The following ACTR6 variants were observed in gnomAD, a reference collection of about 807,000 sequenced individuals.
The protein encoded by ACTR6 is actin-related protein 6.
Under a neutral mutation model 52.5 loss-of-function variants are expected in ACTR6, and 50 were observed. The ratio of observed to expected loss-of-function variants is 0.95; its 90% CI spans 0.76 to 1.20. The LOEUF (loss-of-function observed/expected upper bound fraction) is 1.20, where lower values mean the gene tolerates loss of function less well. Among genes scored for constraint, ACTR6 ranks in the 50% most tolerant of loss-of-function variants. The pLI is 0.00. For missense variants in ACTR6, 344 were observed against 472.4 expected (o/e 0.73, Z 2.52); for synonymous variants, 135 against 147.2 (o/e 0.92, Z 0.60).
intron 7 of ACTR6, 43 bp downstream of exon 7, chr12:100,212,397 G>A: frequency 6.3e-7 from 1 of 1,593,176 alleles, no homozygotes; most frequent in African/African-American, 1.3e-5. Flanking sequence ...TAGATTGTTA[G>A]GGGATGTTAC....
At chr12:100,216,425 A>G (rs2096123993) in intron 8 of ACTR6, among the ~76,000 whole-genome samples, 1 of 152,252 alleles carries the variant, frequency 6.6e-6, no homozygotes, top group African/African-American at 2.4e-5. Context: ...TTTGGCCTCC[A>G]AAGTGCTGGG....
intron 4 of ACTR6, chr12:100,208,760 T>G (rs1271751942): frequency 2.2e-6 from 1 of 455,960 alleles, no homozygotes; most frequent in Non-Finnish European, 4.4e-6. Flanking sequence ...TTGTTTGTTT[T>G]TGTTAAGTCA....
chr12:100,220,952 A>T (rs2096127673), intron 10 of ACTR6, among the ~76,000 whole-genome samples: 1 of 151,232 alleles, frequency 6.6e-6, no homozygotes, highest in Non-Finnish European at 1.5e-5. Context: ...GCACCACTGT[A>T]TGGTAGCCTA....
rs183220876 is a variant in ACTR6 at position 100,216,478 on chromosome 12, T to C, written c.751-1937T>C. ...TGTGCCCAGCCTCCAGATTACTTGT[T>C]AATGGTTAATGGCTTTAGTGCTAAC... On this transcript the variant is annotated intron_variant, in intron 8 of 10. Transcript: ENST00000188312. Among the ~76,000 whole-genome samples, 15 of 152,388 alleles carry C rather than the reference T, an allele frequency of 9.8e-5. No homozygotes were observed. The East Asian group carries it at 2.7e-3, about 27-fold the overall frequency.
In ACTR6 at chr12:100,204,824, C is replaced by T. The variant is rs574061738; in HGVS notation, c.69-116C>T. 8 of 665,626 alleles carry T rather than the reference C, an allele frequency of 1.2e-5. No individual in the cohort carries two copies. In the South Asian group the frequency reaches 1.5e-4, roughly 13 times the overall value. 41.2% of individuals were successfully genotyped at this position (665,626 alleles called of 1,614,324 possible). ...TTATTTTAAGACAGAATGAGAAACA[C>T]TGGATATACCAATCTTAGGATACGC... On this transcript the variant is annotated intron_variant, in intron 1 of 10. Coordinates refer to ENST00000188312, the MANE Select transcript of ACTR6 (RefSeq NM_022496.5).
chr12:100,213,547 G>GTATA (rs1592842408), intron 8 of ACTR6, among the ~76,000 whole-genome samples: 1 of 152,188 alleles, frequency 6.6e-6, no homozygotes, highest in Admixed American at 6.5e-5. Flanking sequence ...GTATCATTAT[G>GTATA]TATATTATGG....
chr12:100,217,767 T>C (rs2096124960), intron 8 of ACTR6, among the ~76,000 whole-genome samples: 2 of 152,156 alleles, frequency 1.3e-5, no homozygotes, highest in South Asian at 4.1e-4. Flanking sequence ...TAAAGAAATG[T>C]AGAGATGTAG....
Position 100,207,242 on chromosome 12 carries a change from A to T in ACTR6, c.256-421A>T, listed in dbSNP as rs143966286. ...TTAATTTTTATTTATTATTATTATTATTTTTTTAGTAGAGGTGGGGTCTTG... is the reference window on the plus strand; with the variant it reads ...TTAATTTTTATTTATTATTATTATTTTTTTTTTAGTAGAGGTGGGGTCTTG... On this transcript the variant is annotated intron_variant, in intron 3 of 10. Transcript: ENST00000188312. 5.1e-3 allele frequency among the ~76,000 whole-genome samples: 774 copies of T among 151,332 alleles called. 4 individuals carry two copies. Among genetic ancestry groups the T allele is most frequent in the African/African-American group, 0.014 (587 of 41,216 alleles).
intron 8 of ACTR6, among the ~76,000 whole-genome samples, chr12:100,213,025 A>T (rs1046271191): frequency 4.0e-5 from 6 of 151,666 alleles, no homozygotes; most frequent in African/African-American, 1.5e-4. Context: ...AAAAAAAAAA[A>T]AAAGAATTTC....
At position 100,218,707 on chromosome 12, in the gene ACTR6, G is replaced by C; in HGVS notation, c.922+121G>C. 1.9e-6 allele frequency: 1 copy of C among 534,992 alleles called. No individual in the cohort carries two copies. Among genetic ancestry groups the C allele is most frequent in the Non-Finnish European group, 2.9e-6 (1 of 342,386 alleles). 33.1% of individuals were successfully genotyped at this position (534,992 alleles called of 1,614,324 possible). On this transcript the variant is annotated intron_variant, in intron 9 of 10. Coordinates refer to ENST00000188312, the MANE Select transcript of ACTR6 (RefSeq NM_022496.5). This position sits in a 1 kb window ranked among gnomAD's most constrained non-coding sequence, Gnocchi z 4.2. ...TTGGTGAGTCTGTTTTATTTGCAGA[G>C]ATTTGTAGATCCCATAATGCATTTA...
chr12:100,208,662 GT>G (rs2096117144), intron 4 of ACTR6: 4 of 454,676 alleles, frequency 8.8e-6, no homozygotes, highest in Admixed American at 4.7e-5. Context: ...TTCTAATGAA[GT>G]TACTGGCCAC....
intron 9 of ACTR6, among the ~76,000 whole-genome samples, chr12:100,219,050 T>C (rs1226387557): frequency 6.6e-6 from 1 of 151,594 alleles, no homozygotes; most frequent in African/African-American, 2.4e-5. Flanking sequence ...TCCTGAAACA[T>C]GCCTTAAGTA....
intron 6 of ACTR6, among the ~76,000 whole-genome samples, chr12:100,210,589 C>T (rs1014500297): frequency 2.0e-5 from 3 of 151,826 alleles, no homozygotes; most frequent in South Asian, 2.1e-4. Flanking sequence ...TGTGGTGGTA[C>T]ACACCTGTAA....
At chr12:100,203,100 G>C (rs1340768213) in intron 1 of ACTR6, among the ~76,000 whole-genome samples, 1 of 152,132 alleles carries the variant, frequency 6.6e-6, no homozygotes, top group Non-Finnish European at 1.5e-5. Flanking sequence ...AGAATCTAAT[G>C]CTATGGCTGA....
In ACTR6 at chr12:100,207,726, G is replaced by T. The variant is rs772218213; in HGVS notation, c.319G>T (p.Glu107Ter). The part of the protein sequence containing the change: ...EPYFNFTSIQ[E>*]SMNEILFEEY... ...ATACTTTAACTTCACTTCAATTCAA[G>T]AATCAATGAATGAAATTCTATTTGA... Residue 107 changes from glutamate to a stop codon, truncating the protein, a stop_gained, in exon 4 of 11, where the codon GAA (glutamate) becomes TAA (stop). Transcript: ENST00000188312. LOFTEE classifies it high-confidence loss of function. The T allele has an allele frequency of 6.3e-7, 1 of 1,591,800 alleles. No individual in the cohort carries two copies. The highest frequency in any genetic ancestry group is 2.3e-5 in the East Asian group (1 of 44,196).
chr12:100,207,115 A>G (rs1003737648), intron 3 of ACTR6, among the ~76,000 whole-genome samples: 1 of 152,076 alleles, frequency 6.6e-6, no homozygotes, highest in South Asian at 2.1e-4. Flanking sequence ...GCTCTGTTGC[A>G]CAATCATGGC....
At chr12:100,208,906 C>T in intron 4 of ACTR6, 1 of 379,858 alleles carries the variant, frequency 2.6e-6, no homozygotes, top group Non-Finnish European at 5.1e-6. Context: ...GCTGCCACAT[C>T]TGGCTGATTT....
At chr12:100,204,866 A>G (rs2096113196) in intron 1 of ACTR6, 74 bp from the exon 2 acceptor site, 1 of 910,054 alleles carries the variant, frequency 1.1e-6, no homozygotes, top group Non-Finnish European at 1.8e-6. Flanking sequence ...TTTGGCATCA[A>G]GAGTGGTGGT....
At chr12:100,212,412 A>C in intron 7 of ACTR6, 38 bp from the exon 8 acceptor site, 1 of 1,598,632 alleles carries the variant, frequency 6.3e-7, no homozygotes, top group Non-Finnish European at 8.6e-7. Context: ...TGTTACACAT[A>C]ATTAGAATGT....
Sources: allele counts gnomAD v4.1 joint callset (sites outside exome capture counted in the v4.1 genomes callset), GRCh38; gene constraint gnomAD v4.1.1; non-coding constraint Gnocchi (gnomAD v3.1); transcripts MANE v1.5; gene names NCBI Gene and HGNC (gene_info 2026-07-23, HGNC 2026-07-21).